PLXNA4: variants seen among roughly 807,000 people sequenced by gnomAD.
PLXNA4 encodes the protein plexin-A4.
Under a neutral mutation model 191.8 loss-of-function variants are expected in PLXNA4, and 44 were observed. The ratio of observed to expected loss-of-function variants is 0.23; its 90% CI spans 0.18 to 0.29. The LOEUF (loss-of-function observed/expected upper bound fraction) is 0.29, where lower values mean the gene tolerates loss of function less well. PLXNA4 is among the 10% of genes least tolerant of loss of function. The pLI is 1.00. For missense variants in PLXNA4, 1,800 were observed against 2,488.8 expected, an observed-to-expected ratio of 0.72 and a Z score of 5.89; for synonymous variants, 1,082 against 1,009.5, an observed-to-expected ratio of 1.07 and a Z score of -1.36.
chr7:132,224,187 A>G (rs1289896324), intron 8 of PLXNA4, among the ~76,000 whole-genome samples: 1 of 152,122 alleles, frequency 6.6e-6, no homozygotes, highest in East Asian at 1.9e-4. Context: ...AAAGCCCAAC[A>G]TGGTTCCCTT....
At chr7:132,160,466 G>A (rs1795917013) in intron 24 of PLXNA4, among the ~76,000 whole-genome samples, 1 of 152,152 alleles carries the variant, frequency 6.6e-6, no homozygotes, top group Admixed American at 6.5e-5. Context: ...AAAAGAACAA[G>A]GCTTTTCTTC....
intron 4 of PLXNA4, among the ~76,000 whole-genome samples, chr7:132,249,502 G>C (rs1011430170): frequency 5.3e-5 from 8 of 152,160 alleles, no homozygotes; most frequent in Admixed American, 5.2e-4. Flanking sequence ...GCAGAGCGTC[G>C]AGAAATCACC....
intron 5 of PLXNA4, 59 bp downstream of exon 5, chr7:132,241,007 A>G: frequency 8.0e-7 from 1 of 1,249,174 alleles, no homozygotes; most frequent in South Asian, 1.5e-5. Flanking sequence ...AGAGAAGCAG[A>G]GGAAGGGAAT....
intron 3 of PLXNA4, among the ~76,000 whole-genome samples, chr7:132,441,138 G>A (rs993201906): frequency 1.3e-5 from 2 of 152,120 alleles, no homozygotes; most frequent in African/African-American, 4.8e-5. Context: ...ACTTTGCATG[G>A]TGAGCTCCCA....
intron 14 of PLXNA4, among the ~76,000 whole-genome samples, chr7:132,190,096 C>T (rs1797039894): frequency 6.6e-6 from 1 of 152,240 alleles, no homozygotes; most frequent in Non-Finnish European, 1.5e-5. Flanking sequence ...TGCTCACCAC[C>T]CACCTTCTTC....
chr7:132,384,659 T>A, intron 3 of PLXNA4: 6 of 994,300 alleles, frequency 6.0e-6, no homozygotes, highest in Non-Finnish European at 7.2e-6. Flanking sequence ...TTCTGAGCAC[T>A]GAGTTAATTA....
At position 132,174,788 on chromosome 7, in the gene PLXNA4, C is replaced by T. The variant is rs745683440; in HGVS notation, c.4007G>A (p.Arg1336Gln). 44 of 1,613,938 alleles carry T rather than the reference C, an allele frequency of 2.7e-5. No individual in the cohort carries two copies. The highest frequency in any genetic ancestry group is 3.4e-5 in the Non-Finnish European group (40 of 1,179,908). Residue 1336 changes from arginine (R) to glutamine (Q), a missense_variant, in exon 21 of 32, where the codon CGG (arginine) becomes CAG (glutamine). By Grantham distance (43) the Arg-to-Gln change is conservative. Around this residue, in one of 6 missense-constraint regions of PLXNA4, gnomAD observed 1,397 missense variants for 1,880.4 expected, o/e 0.74. Coordinates refer to ENST00000321063, the MANE Select transcript of PLXNA4 (RefSeq NM_020911.2). Reference sequence around the variant, plus strand: ...AGCACTGCTTCTCACCTCAAGGTCCCGGAGGACAGGGTGGTCTTCAATTCC... The same window carrying T: ...AGCACTGCTTCTCACCTCAAGGTCCTGGAGGACAGGGTGGTCTTCAATTCC... ...FPGIEDHPVL[R>Q]DLEVPGYRQE...
intron 3 of PLXNA4, among the ~76,000 whole-genome samples, chr7:132,455,472 C>T (rs1030762628): frequency 2.0e-5 from 3 of 151,976 alleles, no homozygotes; most frequent in Non-Finnish European, 4.4e-5. Context: ...GAGGGCCGCT[C>T]GAATTGACAC....
intron 1 of PLXNA4, among the ~76,000 whole-genome samples, chr7:132,525,257 GTTTTGT>G (rs983145488): frequency 6.6e-6 from 1 of 152,046 alleles, no homozygotes; most frequent in East Asian, 1.9e-4. Context: ...GTGTCTTTTT[GTTTTGT>G]TTTTGAGAGA....
chr7:132,358,630 T>C (rs780380448), intron 3 of PLXNA4, among the ~76,000 whole-genome samples: 59 of 152,242 alleles, frequency 3.9e-4, no homozygotes, highest in Admixed American at 3.3e-4. Flanking sequence ...TCAACAAATA[T>C]TAAGTTGATG....
chr7:132,563,781 CTTCCTCCTCCTTCTCCTCCTCCTT>C (rs1801522839), intron 1 of PLXNA4, among the ~76,000 whole-genome samples: 1 of 99,108 alleles, frequency 1.0e-5, no homozygotes, highest in African/African-American at 4.3e-5. Context: ...TCCTCCTCCT[CTTCCTCCTCCTTCTCCTCCTCCTT>C]CTCCTCCTCC....
intron 3 of PLXNA4, among the ~76,000 whole-genome samples, chr7:132,361,890 G>T (rs956350874): frequency 6.6e-6 from 1 of 152,102 alleles, no homozygotes; most frequent in Non-Finnish European, 1.5e-5. Flanking sequence ...ATCTTTCAAA[G>T]AAAAGAACAT....
In PLXNA4 at chr7:132,295,644, G is replaced by A. The variant is rs115884808; in HGVS notation, c.1503+2447C>T. Among the ~76,000 whole-genome samples the A allele has an allele frequency of 2.3e-3, 352 of 152,180 alleles. 2 individuals carry two copies. The highest frequency in any genetic ancestry group is 8.2e-3 in the African/African-American group (339 of 41,534). On this transcript the variant is annotated intron_variant, in intron 4 of 31. Coordinates refer to ENST00000321063, the MANE Select transcript of PLXNA4 (RefSeq NM_020911.2). ...TCAAGCAGGCCTGGGTTCCTGATGC[G>A]CTCTCCCCCGGGACTGGATTTTTGC...
chr7:132,432,954 T>C (rs898909994), intron 3 of PLXNA4, among the ~76,000 whole-genome samples: 1 of 152,318 alleles, frequency 6.6e-6, no homozygotes. Flanking sequence ...ATGTCTCTTG[T>C]ATGCATTACC....
At position 132,595,187 on chromosome 7, in the gene PLXNA4, AC is replaced by A. The variant is rs536937269; in HGVS notation, c.-87+50740del. ...TGACCTACCACTTCCCCATCTTCCCACAGAGACCTCCAGCACCCAGCAGTGA... is the reference window on the plus strand; with the variant it reads ...TGACCTACCACTTCCCCATCTTCCCAAGAGACCTCCAGCACCCAGCAGTGA... On this transcript the variant is annotated intron_variant, in intron 2 of 4. Coordinates refer to the PLXNA4 transcript ENST00000378539. Among the ~76,000 whole-genome samples the A allele has an allele frequency of 1.7e-3, 254 of 152,190 alleles. 2 individuals carry two copies. In the Middle Eastern group the frequency reaches 0.024, roughly 14 times the overall value.
In PLXNA4 at chr7:132,182,225, T is replaced by TAA. The variant is rs368935691; in HGVS notation, c.3159-37_3159-36dup. On this transcript the variant is annotated intron_variant, in intron 16 of 31. Coordinates refer to ENST00000321063, the MANE Select transcript of PLXNA4 (RefSeq NM_020911.2). ...AAGAAAGAAGGAGATGTGTAAATGA[T>TAA]AAGTTCAGGAAGAGCAATGGCACTC... The TAA allele has an allele frequency of 3.4e-4, 554 of 1,611,676 alleles. No individual in the cohort carries two copies. In the African/African-American group the frequency reaches 6.6e-3, roughly 19 times the overall value.
At chr7:132,301,214 C>T (rs1327206069) in intron 3 of PLXNA4, among the ~76,000 whole-genome samples, 2 of 152,164 alleles carry the variant, frequency 1.3e-5, no homozygotes, top group Non-Finnish European at 2.9e-5. Flanking sequence ...ATTTATTCAT[C>T]TGTTGAAAAA....
At chr7:132,193,544 A>G (rs2116819510) in intron 14 of PLXNA4, among the ~76,000 whole-genome samples, 1 of 152,360 alleles carries the variant, frequency 6.6e-6, no homozygotes, top group South Asian at 2.1e-4. Flanking sequence ...AATGGTGGCA[A>G]CCACAGAAAT....
At chr7:132,542,485 G>A (rs549898053) in intron 1 of PLXNA4, among the ~76,000 whole-genome samples, 176 of 152,290 alleles carry the variant, frequency 1.2e-3, no homozygotes, top group African/African-American at 4.0e-3. Flanking sequence ...TCTGAATGTA[G>A]ATTTCTTATT....
Sources: gnomAD v4.1 joint callset for allele counts (sites outside exome capture counted in the v4.1 genomes callset) on GRCh38, gnomAD v4.1.1 for gene constraint, gnomAD v4.1.1 regional missense constraint, MANE v1.5 for transcripts, NCBI Gene and HGNC (gene_info 2026-07-23, HGNC 2026-07-21) for gene names.